LGR6: variants seen among roughly 807,000 people sequenced by gnomAD.
The protein encoded by LGR6 is leucine rich repeat containing G protein-coupled receptor 6.
In LGR6, 45 loss-of-function variants were observed where a neutral mutation model predicts 69.4. That is an observed-to-expected ratio of 0.65 (90% CI 0.51 to 0.83). LGR6 has a LOEUF of 0.83. Among genes scored for constraint, LGR6 ranks in the 40% least tolerant of loss-of-function variants. LGR6 has a pLI of 0.00. For synonymous variants in LGR6, 538 were observed against 555.0 expected, an observed-to-expected ratio of 0.97 and a Z score of 0.43; for missense variants, 1,108 against 1,246.7, an observed-to-expected ratio of 0.89 and a Z score of 1.68.
At chr1:202,314,962 C>A (rs1654034629) in intron 17 of LGR6, 80 bp downstream of exon 17, 1 of 999,278 alleles carries the variant, frequency 1.0e-6, no homozygotes, top group Non-Finnish European at 1.6e-6. Flanking sequence ...ATTAGTTCAG[C>A]CTGGCATGTC....
rs541052978 is a variant in LGR6, at chr1:202,272,746, G to A, written c.429-3560G>A. On this transcript the variant is annotated intron_variant, in intron 4 of 17. Transcript: ENST00000367278. ...GACTGTAGGTTACATGTGTGAGCGT[G>A]CACATGCATGTGGCCAGCAAACGTG... 5.3e-5 allele frequency among the ~76,000 whole-genome samples: 8 copies of A among 152,356 alleles called. No homozygotes were observed. In the East Asian group the frequency reaches 1.5e-3, roughly 29 times the overall value.
Position 202,318,018 on chromosome 1 carries a change from T to C in LGR6, c.1715T>C (p.Val572Ala), listed in dbSNP as rs767286009. 8.1e-6 allele frequency: 13 copies of C among 1,613,944 alleles called. No individual in the cohort carries two copies. Among genetic ancestry groups the C allele is most frequent in the Non-Finnish European group, 1.1e-5 (13 of 1,179,954 alleles). ...WGIRLAVWAI[V>A]LLSVLCNGLV... Reference sequence around the variant, plus strand: ...ATCCGCCTGGCCGTGTGGGCCATCGTGTTGCTCTCCGTGCTCTGCAATGGA... The same window carrying C: ...ATCCGCCTGGCCGTGTGGGCCATCGCGTTGCTCTCCGTGCTCTGCAATGGA... Residue 572 changes from valine to alanine, a missense_variant, in exon 18 of 18, where the codon GTG becomes GCG. Coordinates refer to ENST00000367278, the MANE Select transcript of LGR6 (RefSeq NM_001017403.2).
intron 6 of LGR6, among the ~76,000 whole-genome samples, chr1:202,284,442 A>G (rs1284046386): frequency 6.6e-6 from 1 of 152,182 alleles, no homozygotes; most frequent in Non-Finnish European, 1.5e-5. Flanking sequence ...TGCCCATGTC[A>G]CTGTAATTTG....
At chr1:202,277,382 C>A (rs1025938037) in intron 5 of LGR6, among the ~76,000 whole-genome samples, 5 of 152,104 alleles carry the variant, frequency 3.3e-5, no homozygotes, top group African/African-American at 1.2e-4. Flanking sequence ...AGCTGGAGAA[C>A]CAAGGTCAAT....
At chr1:202,307,782 G>A (rs1441613661) in intron 14 of LGR6, among the ~76,000 whole-genome samples, 1 of 152,156 alleles carries the variant, frequency 6.6e-6, no homozygotes, top group African/African-American at 2.4e-5. Flanking sequence ...GAGAGCTCAG[G>A]GGTTCCCTGC....
intron 5 of LGR6, among the ~76,000 whole-genome samples, chr1:202,276,812 T>C (rs1317984616): frequency 6.6e-6 from 1 of 152,236 alleles, no homozygotes; most frequent in Non-Finnish European, 1.5e-5. Flanking sequence ...GCCATGCACA[T>C]ATAATAACTA....
chr1:202,203,554 T>C (rs1020344567), intron 1 of LGR6, among the ~76,000 whole-genome samples: 1 of 152,128 alleles, frequency 6.6e-6, no homozygotes, highest in Non-Finnish European at 1.5e-5. Flanking sequence ...CATTCATTCA[T>C]TCATTCAATC....
intron 1 of LGR6, among the ~76,000 whole-genome samples, chr1:202,207,332 T>G (rs1305251607): frequency 6.6e-6 from 1 of 152,104 alleles, no homozygotes; most frequent in African/African-American, 2.4e-5. Context: ...GCAGCCTTTG[T>G]CCAGATGGGC....
chr1:202,317,475 G>A (rs1374664809), intron 17 of LGR6, among the ~76,000 whole-genome samples: 3 of 152,022 alleles, frequency 2.0e-5, no homozygotes, highest in Non-Finnish European at 4.4e-5. Flanking sequence ...CTCCCAAGTA[G>A]TTGGGACTAC....
At chr1:202,272,531 A>T (rs1665190370) in intron 4 of LGR6, among the ~76,000 whole-genome samples, 1 of 152,238 alleles carries the variant, frequency 6.6e-6, no homozygotes, top group South Asian at 2.1e-4. Context: ...GAGCCAGGAC[A>T]GAAGATAGTT....
intron 8 of LGR6, 96 bp downstream of exon 8, chr1:202,301,016 C>G: frequency 7.6e-7 from 1 of 1,312,188 alleles, no homozygotes; most frequent in East Asian, 2.3e-5. Flanking sequence ...TAGGAAGCAC[C>G]AGGGAGGCAG....
chr1:202,219,488 G>T (rs2860229), intron 1 of LGR6, among the ~76,000 whole-genome samples: 116,133 of 152,222 alleles, frequency 0.76, 45,896 homozygotes, highest in East Asian at 0.94. Context: ...AAGAGAACAG[G>T]GAGCGCTGTG....
In LGR6 at chr1:202,318,749, C is replaced by T; in HGVS notation, c.2446C>T (p.Leu816=). 1 of 1,613,538 alleles carries T rather than the reference C, an allele frequency of 6.2e-7. No homozygotes were observed. The change falls in exon 18 of 18, where the codon CTG becomes TTG. Residue 816 remains leucine (L), a synonymous_variant. Coordinates refer to ENST00000367278, the MANE Select transcript of LGR6 (RefSeq NM_001017403.2). ...CGTCAAGTCTGTCCTGCTGGTGGTGCTGCCCCTGCCTGCCTGCCTCAACCC... is the reference window on the plus strand; with the variant it reads ...CGTCAAGTCTGTCCTGCTGGTGGTGTTGCCCCTGCCTGCCTGCCTCAACCC... ...EAVKSVLLVV[L]PLPACLNPLL...
intron 4 of LGR6, among the ~76,000 whole-genome samples, chr1:202,253,605 G>A (rs1213593004): frequency 7.3e-6 from 1 of 137,872 alleles, no homozygotes; most frequent in Non-Finnish European, 1.6e-5. Context: ...GCCTGGCCAA[G>A]ATGGTCCTAC....
chr1:202,233,257 A>AG (rs1360319518), intron 3 of LGR6, among the ~76,000 whole-genome samples: 1 of 152,140 alleles, frequency 6.6e-6, no homozygotes, highest in African/African-American at 2.4e-5. Context: ...GAAAGGATGG[A>AG]GGAATCTTAG....
chr1:202,255,354 C>T (rs1488105039), intron 4 of LGR6, among the ~76,000 whole-genome samples: 4 of 152,138 alleles, frequency 2.6e-5, no homozygotes, highest in Non-Finnish European at 5.9e-5. Context: ...GAGGAGCGGG[C>T]ATGGCCTTGA....
In LGR6 at chr1:202,295,869, TAGTG is replaced by T. The variant is rs1392624034; in HGVS notation, c.717-1638_717-1635del. ...GGCAGTCTGAGGGTAATTGGGTAAT[TAGTG>T]TGTGTGTGTGTGTGTGTGTGTGTGT... On this transcript the variant is annotated intron_variant, in intron 6 of 17. Transcript: ENST00000367278. Among the ~76,000 whole-genome samples, 3 of 116,594 alleles carry T rather than the reference TAGTG, an allele frequency of 2.6e-5. No individual in the cohort carries two copies. In the East Asian group the frequency reaches 7.1e-4, roughly 28 times the overall value. The allele number at this position is 116,594 out of a possible 152,430, so 76.5% of individuals were successfully genotyped here.
In LGR6 at chr1:202,319,009, C is replaced by T. The variant is rs1209077312; in HGVS notation, c.2706C>T (p.Ile902=). Reference sequence around the variant, plus strand: ...ATGGCTTCCCCTCAGTGACCCTCATCTCCTGTCAGCAGCCAGGGGCCCCCA... The same window carrying T: ...ATGGCTTCCCCTCAGTGACCCTCATTTCCTGTCAGCAGCCAGGGGCCCCCA... ...ETYGFPSVTL[I]SCQQPGAPRL... is the part of the protein sequence containing the mutation. Residue 902 remains isoleucine (I), a synonymous_variant, in exon 18 of 18, where the codon ATC becomes ATT. Transcript: ENST00000367278. The T allele has an allele frequency of 6.2e-7, 1 of 1,613,974 alleles. No homozygotes were observed. The highest frequency in any genetic ancestry group is 8.5e-7 in the Non-Finnish European group (1 of 1,179,904).
chr1:202,253,283 A>G (rs915557188), intron 4 of LGR6, among the ~76,000 whole-genome samples: 2 of 152,076 alleles, frequency 1.3e-5, no homozygotes, highest in Non-Finnish European at 2.9e-5. Flanking sequence ...TCCTGAGTGC[A>G]TGATAACTGA....
Sources: gnomAD v4.1 joint callset for allele counts (sites outside exome capture counted in the v4.1 genomes callset) on GRCh38, gnomAD v4.1.1 for gene constraint, MANE v1.5 for transcripts, NCBI Gene and HGNC (gene_info 2026-07-23, HGNC 2026-07-21) for gene names.